Variants in ANO3 observed in about 807,000 individuals in gnomAD.
The protein encoded by ANO3 is anoctamin-3.
ANO3 carries 99 observed loss-of-function variants against 144.8 expected under a neutral mutation model. The ratio of observed to expected loss-of-function variants is 0.68; its 90% CI spans 0.58 to 0.81. The LOEUF is 0.81. Ranked by LOEUF, ANO3 falls within the 30% of genes least tolerant of loss-of-function variation. The pLI, the probability that ANO3 is intolerant of heterozygous loss-of-function variation, is 0.00. For synonymous variants in ANO3, 414 were observed against 392.6 expected, an observed-to-expected ratio of 1.05 and a Z score of -0.64; for missense variants, 905 against 1,202.2, an observed-to-expected ratio of 0.75 and a Z score of 3.66.
chr11:26,422,691 A>T (rs2133999679), intron 1 of ANO3, among the ~76,000 whole-genome samples: 1 of 152,140 alleles, frequency 6.6e-6, no homozygotes, highest in Admixed American at 6.6e-5. Context: ...ATACTAGTCA[A>T]GAATACCAGG....
intron 23 of ANO3, among the ~76,000 whole-genome samples, chr11:26,646,238 G>A (rs1166050839): frequency 2.0e-5 from 3 of 151,910 alleles, no homozygotes; most frequent in African/African-American, 7.2e-5. Context: ...TATTTTAATA[G>A]AATAGTAATA....
At chr11:26,335,656 A>G (rs1855173432) in intron 1 of ANO3, among the ~76,000 whole-genome samples, 1 of 152,204 alleles carries the variant, frequency 6.6e-6, no homozygotes, top group Non-Finnish European at 1.5e-5. Context: ...CTTAAGTACC[A>G]TGCTTTTGCT....
intron 3 of ANO3, among the ~76,000 whole-genome samples, chr11:26,447,234 G>C (rs577042031): frequency 1.9e-3 from 4 of 2,148 alleles, no homozygotes; most frequent in Non-Finnish European, 9.5e-3. Flanking sequence ...AAAAAGGTGG[G>C]GGGGGGTACT....
chr11:26,514,784 T>G (rs976825200), intron 5 of ANO3, among the ~76,000 whole-genome samples: 2 of 152,098 alleles, frequency 1.3e-5, no homozygotes, highest in African/African-American at 2.4e-5. Flanking sequence ...CGTCTTTCAC[T>G]TGCCCTGGAT....
intron 1 of ANO3, among the ~76,000 whole-genome samples, chr11:26,282,220 G>A (rs907888087): frequency 6.6e-5 from 10 of 151,950 alleles, no homozygotes; most frequent in Admixed American, 2.0e-4. Flanking sequence ...AGTGTTTTCC[G>A]CATCAGCTAC....
intron 13 of ANO3, among the ~76,000 whole-genome samples, chr11:26,556,739 C>T (rs1850093696): frequency 6.6e-6 from 1 of 152,114 alleles, no homozygotes; most frequent in Admixed American, 6.6e-5. Context: ...TTTTACCCTG[C>T]CCAAGAGGTA....
At chr11:26,484,071 CA>C (rs1860341680) in intron 4 of ANO3, among the ~76,000 whole-genome samples, 1 of 152,132 alleles carries the variant, frequency 6.6e-6, no homozygotes, top group Admixed American at 6.5e-5. Flanking sequence ...AAAGAAATTT[CA>C]AAGTAGCAAA....
intron 1 of ANO3, among the ~76,000 whole-genome samples, chr11:26,230,892 T>A (rs12222295): frequency 0.3 from 44,090 of 144,602 alleles, 7,895 homozygotes; most frequent in Non-Finnish European, 0.37. Flanking sequence ...TTTTTCTTTT[T>A]TTTTTTTTTT....
At chr11:26,658,479 G>A (rs1055408692) in intron 26 of ANO3, among the ~76,000 whole-genome samples, 15 of 71,430 alleles carry the variant, frequency 2.1e-4, no homozygotes, top group South Asian at 6.7e-4. Context: ...GTGCAGTGGC[G>A]CATGCCTGTA....
intron 25 of ANO3, 40 bp from the exon 26 acceptor site, chr11:26,656,336 G>C (rs373518222): frequency 6.6e-7 from 1 of 1,509,884 alleles, no homozygotes; most frequent in Non-Finnish European, 9.2e-7. Flanking sequence ...TCCACTCTTT[G>C]ATCTCTATTT....
Position 26,656,462 on chromosome 11 carries a change from C to G in ANO3, c.2744C>G (p.Ala915Gly). ...TGGCATATCCTTGCTGCTAGATTGG[C>G]CTTCATTATTGTGTTTGAGGTTAGT... The part of the protein sequence containing the change: ...QYWHILAARL[A>G]FIIVFEHLVF... Residue 915 changes from alanine to glycine, a missense_variant, in exon 26 of 27, where the codon GCC (alanine) becomes GGC (glycine). Transcript: ENST00000256737. The G allele has an allele frequency of 1.9e-6, 3 of 1,607,326 alleles. No individual in the cohort carries two copies. Among genetic ancestry groups the G allele is most frequent in the South Asian group, 2.2e-5 (2 of 90,926 alleles).
Position 26,661,435 on chromosome 11 carries a change from T to A in ANO3, c.*991T>A, listed in dbSNP as rs17309286. On this transcript the variant is annotated 3_prime_UTR_variant, in exon 27 of 27. Transcript: ENST00000256737. The stretch of plus-strand genomic sequence containing the variant: ...ATGCAGCTCTGACACCAGTTTTTGC[T>A]ATTGTAATATGTTTATTCGGGAAAA... 0.031 allele frequency: 4,755 copies of A among 152,700 alleles called. 104 individuals carry two copies. The highest frequency in any genetic ancestry group is 0.049 in the Non-Finnish European group (3,346 of 68,010). The allele number at this position is 152,700 out of a possible 1,614,324, so 9.5% of individuals were successfully genotyped here. A position where few individuals can be genotyped will look rare whatever the true frequency, so the allele number is the denominator to read the frequency against.
chr11:26,420,430 A>C (rs973404494), intron 1 of ANO3, among the ~76,000 whole-genome samples: 14 of 152,024 alleles, frequency 9.2e-5, no homozygotes, highest in African/African-American at 3.4e-4. Flanking sequence ...CATGTGCCCC[A>C]GGAAGCAGAT....
At chr11:26,461,132 G>A (rs1032002350) in intron 3 of ANO3, among the ~76,000 whole-genome samples, 2 of 152,074 alleles carry the variant, frequency 1.3e-5, no homozygotes, top group African/African-American at 4.8e-5. Flanking sequence ...GAGCGCGAGA[G>A]TGCCTACCGG....
chr11:26,643,291 C>A lies in ANO3; in HGVS notation c.2385C>A (p.Val795=), dbSNP rs1174357849. ...TCAGGCTGGATGCATACAAATTTGT[C>A]ACTCAATGGCGGAGGCCTTTGCCAG... is the stretch of plus-strand genomic sequence containing the variant. ...IEIRLDAYKF[V]TQWRRPLPAR... Residue 795 remains valine (V), a synonymous_variant, in exon 23 of 27, where the codon GTC becomes GTA. Transcript: ENST00000256737. 1 of 1,614,136 alleles carries A rather than the reference C, an allele frequency of 6.2e-7. No homozygotes were observed. The highest frequency in any genetic ancestry group is 1.1e-5 in the South Asian group (1 of 91,088).
At chr11:26,269,317 T>C (rs927948343) in intron 1 of ANO3, among the ~76,000 whole-genome samples, 2 of 152,182 alleles carry the variant, frequency 1.3e-5, no homozygotes, top group African/African-American at 2.4e-5. Context: ...AGTCTCCTTA[T>C]TGGAGGGTGT....
intron 1 of ANO3, among the ~76,000 whole-genome samples, chr11:26,223,620 A>T (rs1273677073): frequency 6.6e-6 from 1 of 151,828 alleles, no homozygotes; most frequent in Admixed American, 6.6e-5. Context: ...AAAAAAAAAA[A>T]AACCCTGAGA....
At chr11:26,381,078 C>A (rs924970605) in intron 1 of ANO3, among the ~76,000 whole-genome samples, 1 of 151,974 alleles carries the variant, frequency 6.6e-6, no homozygotes, top group Non-Finnish European at 1.5e-5. Flanking sequence ...CCCCTGATGC[C>A]TTTTTCAAGG....
chr11:26,635,134 G>T (rs1852910252), intron 20 of ANO3, 64 bp downstream of exon 20: 2 of 1,410,372 alleles, frequency 1.4e-6, no homozygotes, highest in South Asian at 2.4e-5. Context: ...ACTGCGGGAG[G>T]AAGGGAGCTG....
Sources: allele counts gnomAD v4.1 joint callset (sites outside exome capture counted in the v4.1 genomes callset), GRCh38; gene constraint gnomAD v4.1.1; transcripts MANE v1.5; gene names NCBI Gene and HGNC (gene_info 2026-07-23, HGNC 2026-07-21).